Variants in MACROD2 observed in about 807,000 individuals in gnomAD.
MACROD2 encodes the protein mono-ADP ribosylhydrolase 2, also known as ADP-ribose glycohydrolase MACROD2.
MACROD2 carries 36 observed loss-of-function variants against 70.4 expected under a neutral mutation model. That is an observed-to-expected ratio of 0.51 (90% CI 0.39 to 0.68). The LOEUF (loss-of-function observed/expected upper bound fraction) is 0.68. MACROD2 is among the 30% of genes least tolerant of loss of function. The probability of loss-of-function intolerance (pLI) is 0.00; values close to 1 mark genes in which losing one functional copy is unlikely to be tolerated. For synonymous variants in MACROD2, 172 were observed against 178.8 expected (o/e 0.96, Z 0.30); for missense variants, 496 against 538.4 (o/e 0.92, Z 0.78).
At chr20:14,718,291 T>TCAAAAAAAAA (rs2071420604) in intron 5 of MACROD2, among the ~76,000 whole-genome samples, 1 of 22,636 alleles carries the variant, frequency 4.4e-5, no homozygotes, top group Non-Finnish European at 6.8e-5. Flanking sequence ...AGACTCTGTC[T>TCAAAAAAAAA]CAAAAAAAAA....
At chr20:15,971,636 C>A (rs1245089428) in intron 13 of MACROD2, among the ~76,000 whole-genome samples, 1 of 152,164 alleles carries the variant, frequency 6.6e-6, no homozygotes, top group African/African-American at 2.4e-5. Flanking sequence ...TCTATGATAT[C>A]ACCCACTGAG....
chr20:14,135,712 A>C (rs1214706743), intron 3 of MACROD2, among the ~76,000 whole-genome samples: 1 of 152,190 alleles, frequency 6.6e-6, no homozygotes, highest in Non-Finnish European at 1.5e-5. Context: ...TTCAATAAAT[A>C]CAGGAAAAGT....
At chr20:14,508,945 C>G (rs1056625049) in intron 4 of MACROD2, among the ~76,000 whole-genome samples, 1 of 152,064 alleles carries the variant, frequency 6.6e-6, no homozygotes, top group African/African-American at 2.4e-5. Context: ...TGAAAACAAC[C>G]TAAATGTTCA....
chr20:14,555,114 A>C (rs1255598510), intron 4 of MACROD2, among the ~76,000 whole-genome samples: 5 of 152,050 alleles, frequency 3.3e-5, no homozygotes, highest in Non-Finnish European at 5.9e-5. Flanking sequence ...ACAAGAGTGT[A>C]ATTGGGTTAG....
chr20:15,324,419 G>C (rs2077905727), intron 6 of MACROD2, among the ~76,000 whole-genome samples: 1 of 152,024 alleles, frequency 6.6e-6, no homozygotes, highest in Non-Finnish European at 1.5e-5. Flanking sequence ...ATTTTGCTGG[G>C]GACTCCTAAT....
chr20:14,287,064 G>T (rs1488615092), intron 3 of MACROD2, among the ~76,000 whole-genome samples: 1 of 151,950 alleles, frequency 6.6e-6, no homozygotes, highest in Non-Finnish European at 1.5e-5. Context: ...TTTTCTGTAG[G>T]CTTGCCTGCA....
chr20:14,652,850 T>G (rs1300379481), intron 4 of MACROD2, among the ~76,000 whole-genome samples: 3 of 152,182 alleles, frequency 2.0e-5, no homozygotes, highest in African/African-American at 7.2e-5. Flanking sequence ...AATTAGGATT[T>G]AGGTAATGTC....
At chr20:14,213,715 A>T (rs1455767306) in intron 3 of MACROD2, among the ~76,000 whole-genome samples, 2 of 152,082 alleles carry the variant, frequency 1.3e-5, no homozygotes, top group East Asian at 3.9e-4. Flanking sequence ...ATATAGCTTT[A>T]AAAAGTTTTT....
At chr20:14,651,018 A>T (rs189503514) in intron 4 of MACROD2, among the ~76,000 whole-genome samples, 1 of 152,338 alleles carries the variant, frequency 6.6e-6, no homozygotes, top group Admixed American at 6.5e-5. Context: ...AAGAATTTCC[A>T]TAGCCACTCC....
intron 3 of MACROD2, among the ~76,000 whole-genome samples, chr20:14,387,110 A>C (rs558774896): frequency 6.6e-6 from 1 of 152,346 alleles, no homozygotes; most frequent in East Asian, 1.9e-4. Flanking sequence ...TTTCAACATA[A>C]GACAATTAAT....
chr20:14,172,977 A>C (rs1280011641), intron 3 of MACROD2, among the ~76,000 whole-genome samples: 1 of 152,138 alleles, frequency 6.6e-6, no homozygotes, highest in Non-Finnish European at 1.5e-5. Flanking sequence ...GACCCCAATC[A>C]CTTCTAGCTT....
At chr20:15,771,122 T>C (rs1410865246) in intron 8 of MACROD2, among the ~76,000 whole-genome samples, 1 of 152,108 alleles carries the variant, frequency 6.6e-6, no homozygotes, top group Non-Finnish European at 1.5e-5. Context: ...GAACACACCA[T>C]CAAAATCAGG....
At chr20:14,570,248 C>A (rs773425641) in intron 4 of MACROD2, among the ~76,000 whole-genome samples, 8 of 151,964 alleles carry the variant, frequency 5.3e-5, no homozygotes, top group Non-Finnish European at 1.0e-4. Context: ...CCACTGGATA[C>A]CAGTAAGAAC....
chr20:14,189,734 G>C (rs2081370197), intron 3 of MACROD2, among the ~76,000 whole-genome samples: 1 of 152,176 alleles, frequency 6.6e-6, no homozygotes, highest in African/African-American at 2.4e-5. Flanking sequence ...TGTGAGTCCA[G>C]AATTGTACAG....
intron 4 of MACROD2, among the ~76,000 whole-genome samples, chr20:14,560,883 C>G (rs938120219): frequency 6.6e-6 from 1 of 151,758 alleles, no homozygotes; most frequent in African/African-American, 2.4e-5. Context: ...CTTAATTTCT[C>G]TCTTATGAAT....
chr20:15,829,638 A>G (rs1282526147), intron 8 of MACROD2, among the ~76,000 whole-genome samples: 2 of 152,148 alleles, frequency 1.3e-5, no homozygotes, highest in African/African-American at 2.4e-5. Flanking sequence ...TCTACATTCA[A>G]TAAACTTATT....
intron 4 of MACROD2, among the ~76,000 whole-genome samples, chr20:14,605,911 G>A (rs1294014253): frequency 1.3e-5 from 2 of 152,104 alleles, no homozygotes; most frequent in African/African-American, 2.4e-5. Flanking sequence ...TAATTGTAAT[G>A]TAAATGTAAT....
At chr20:14,908,967 A>T (rs139010568) in intron 5 of MACROD2, among the ~76,000 whole-genome samples, 1 of 152,210 alleles carries the variant, frequency 6.6e-6, no homozygotes, top group African/African-American at 2.4e-5. Context: ...TTCAGAAGGC[A>T]TGATGGGTTT....
chr20:15,002,703 G>A (rs1024612793), intron 5 of MACROD2, among the ~76,000 whole-genome samples: 1 of 152,110 alleles, frequency 6.6e-6, no homozygotes, highest in Non-Finnish European at 1.5e-5. Context: ...CCAAGAAACC[G>A]CCATGATAAA....
Sources: gnomAD v4.1 joint callset for allele counts (sites outside exome capture counted in the v4.1 genomes callset) on GRCh38, gnomAD v4.1.1 for gene constraint, MANE v1.5 for transcripts, NCBI Gene and HGNC (gene_info 2026-07-23, HGNC 2026-07-21) for gene names.